Variants in TBC1D32 observed in about 807,000 individuals in gnomAD.
TBC1D32 encodes the protein TBC1 domain family member 32.
A neutral mutation model predicts 170.3 loss-of-function variants in TBC1D32; 151 were observed. The observed-to-expected ratio is 0.89, with a 90% CI of 0.78 to 1.01. The LOEUF (loss-of-function observed/expected upper bound fraction) is 1.01, where lower values mean the gene tolerates loss of function less well. Among genes scored for constraint, TBC1D32 ranks in the 50% least tolerant of loss-of-function variants. The probability of loss-of-function intolerance (pLI) is 0.00; values close to 1 mark genes in which losing one functional copy is unlikely to be tolerated. For synonymous variants in TBC1D32, 498 were observed against 488.0 expected (o/e 1.02, Z -0.27); for missense variants, 1,464 against 1,457.1 (o/e 1.00, Z -0.08).
At chr6:121,323,751 C>T (rs1039503797) in intron 1 of TBC1D32, among the ~76,000 whole-genome samples, 2 of 152,112 alleles carry the variant, frequency 1.3e-5, no homozygotes, top group Admixed American at 1.3e-4. Flanking sequence ...ACCATCCTGG[C>T]CAGTATGGTG....
At chr6:121,273,540 G>A (rs1295025465) in intron 15 of TBC1D32, among the ~76,000 whole-genome samples, 1 of 151,084 alleles carries the variant, frequency 6.6e-6, no homozygotes, top group East Asian at 2.0e-4. Context: ...TAATGTAAAT[G>A]ACGAGTTAAT....
chr6:121,190,717 A>G (rs1279761260), intron 22 of TBC1D32, among the ~76,000 whole-genome samples: 1 of 152,100 alleles, frequency 6.6e-6, no homozygotes, highest in Non-Finnish European at 1.5e-5. Flanking sequence ...CTTAATTACT[A>G]TAAACTTTTT....
At chr6:121,311,806 G>A (rs1808252687) in intron 3 of TBC1D32, among the ~76,000 whole-genome samples, 1 of 152,066 alleles carries the variant, frequency 6.6e-6, no homozygotes, top group Non-Finnish European at 1.5e-5. Context: ...CAGTTTTGGT[G>A]GGAGTGTAAA....
At chr6:121,112,055 A>G (rs1353006419) in intron 29 of TBC1D32, among the ~76,000 whole-genome samples, 2 of 152,150 alleles carry the variant, frequency 1.3e-5, no homozygotes, top group Non-Finnish European at 2.9e-5. Flanking sequence ...ACATTACGAT[A>G]CTTTAATAAA....
intron 21 of TBC1D32, 137 bp downstream of exon 21, chr6:121,223,099 T>G: frequency 1.7e-6 from 1 of 576,452 alleles, no homozygotes; most frequent in East Asian, 3.3e-5. Flanking sequence ...ATATAATTCA[T>G]GCATGATTAA....
At chr6:121,201,741 ATCTT>A (rs1245641099) in intron 22 of TBC1D32, among the ~76,000 whole-genome samples, 1 of 151,172 alleles carries the variant, frequency 6.6e-6, no homozygotes, top group Non-Finnish European at 1.5e-5. Flanking sequence ...ATATCTGCAT[ATCTT>A]TCTGTCTGTA....
chr6:121,161,059 G>GAAAAAATA lies in TBC1D32; in HGVS notation c.2571-11_2571-4dup. On this transcript the variant is annotated splice_region_variant and splice_polypyrimidine_tract_variant and intron_variant, in intron 22 of 31. Coordinates refer to ENST00000398212, the MANE Select transcript of TBC1D32 (RefSeq NM_152730.6). ...ATAAGCCATCAATTATAAAGTCCCT[G>GAAAAAATA]AAAAAATAAATATATCACCTTTGTC... The GAAAAAATA allele has an allele frequency of 6.3e-7, 1 of 1,596,126 alleles. No homozygotes were observed. Among genetic ancestry groups the GAAAAAATA allele is most frequent in the Non-Finnish European group, 8.6e-7 (1 of 1,167,568 alleles).
chr6:121,100,618 C>G (rs1049754469), intron 30 of TBC1D32, among the ~76,000 whole-genome samples: 3 of 151,876 alleles, frequency 2.0e-5, no homozygotes, highest in African/African-American at 7.3e-5. Flanking sequence ...GCACTAAATG[C>G]CCACAAGAAA....
intron 15 of TBC1D32, among the ~76,000 whole-genome samples, chr6:121,272,666 G>A (rs9372652): frequency 0.64 from 97,561 of 151,948 alleles, 36,788 homozygotes; most frequent in Non-Finnish European, 0.84. Flanking sequence ...TGGTGGGACT[G>A]TAAACTAGTT....
upstream of TBC1D32, chr6:121,334,654 G>A: frequency 1.7e-6 from 1 of 582,836 alleles, no homozygotes; most frequent in Admixed American, 3.1e-5. Flanking sequence ...CTCGCCTCTG[G>A]TACTCTTAGT....
rs185178301 is a variant in TBC1D32, at chr6:121,194,092, A to G, written c.2570+10983T>C. On this transcript the variant is annotated intron_variant, in intron 22 of 31. Transcript: ENST00000398212. ...CTCTGAGCTGACATTGATTCCAGGG[A>G]AAAAAAAACATCACTGTGGTACTCC... Among the ~76,000 whole-genome samples the G allele has an allele frequency of 7.2e-3, 759 of 105,548 alleles. 3 individuals are homozygous for G. The highest frequency in any genetic ancestry group is 0.02 in the African/African-American group (729 of 36,510). 69.2% of individuals were successfully genotyped at this position (105,548 alleles called of 152,430 possible).
At chr6:121,232,784 T>C (rs1373877996) in intron 20 of TBC1D32, among the ~76,000 whole-genome samples, 1 of 152,140 alleles carries the variant, frequency 6.6e-6, no homozygotes, top group Non-Finnish European at 1.5e-5. Flanking sequence ...TATTCTTGTT[T>C]CTCTAGTTCC....
rs1807072179 is a variant in TBC1D32, at chr6:121,304,808, T to C, written c.716A>G (p.Gln239Arg). The change falls in exon 6 of 32, where the codon CAG becomes CGG. Residue 239 changes from glutamine to arginine, a missense_variant. Physicochemically the swap from Gln to Arg is conservative, Grantham distance 43. Transcript: ENST00000398212. ...FSDRILKFCA[Q>R]TFLLSPLHMT... ...ATGTAATGGAGAAAGCAAAAATGTC[T>C]GTGCACAGAATTTTAAAATCCGGTC... 1.9e-6 allele frequency: 3 copies of C among 1,610,186 alleles called. No homozygotes were observed. The highest frequency in any genetic ancestry group is 2.2e-5 in the South Asian group (2 of 90,092).
intron 30 of TBC1D32, among the ~76,000 whole-genome samples, chr6:121,099,665 T>C (rs1040854293): frequency 2.6e-5 from 4 of 151,892 alleles, no homozygotes; most frequent in Admixed American, 2.0e-4. Flanking sequence ...ACTTAAAAGC[T>C]GTTTTCATAT....
chr6:121,277,519 G>T (rs1487226247), intron 15 of TBC1D32, among the ~76,000 whole-genome samples: 1 of 144,398 alleles, frequency 6.9e-6, no homozygotes, highest in Non-Finnish European at 1.5e-5. Context: ...AACCACAAGG[G>T]TCAAAGAAAT....
At chr6:121,082,471 A>G (rs1379570520) in intron 31 of TBC1D32, among the ~76,000 whole-genome samples, 1 of 152,008 alleles carries the variant, frequency 6.6e-6, no homozygotes, top group African/African-American at 2.4e-5. Context: ...CTCTTCACTA[A>G]AACTATACCT....
rs1554271835 is a variant in TBC1D32, at chr6:121,213,466, TAATAAAATAA to T, written c.2482-8313_2482-8304del. On this transcript the variant is annotated intron_variant, in intron 21 of 31. Transcript: ENST00000398212. Reference sequence around the variant, plus strand: ...CTATTCACAACTGCCACAAAAATAATAATAAAATAAAATAAAATAAAATAAAATAAAATAA... The same window carrying T: ...CTATTCACAACTGCCACAAAAATAATAATAAAATAAAATAAAATAAAATAA... Among the ~76,000 whole-genome samples the T allele has an allele frequency of 4.5e-3, 112 of 24,762 alleles. 1 individual carries two copies. Among genetic ancestry groups the T allele is most frequent in the African/African-American group, 0.011 (110 of 10,394 alleles). The allele number at this position is 24,762 out of a possible 152,430, so 16.2% of individuals were successfully genotyped here. A position where few individuals can be genotyped will look rare whatever the true frequency, so the allele number is the denominator to read the frequency against.
chr6:121,274,513 A>G (rs1040207185), intron 15 of TBC1D32, among the ~76,000 whole-genome samples: 21 of 137,916 alleles, frequency 1.5e-4, no homozygotes, highest in African/African-American at 4.0e-4. Flanking sequence ...AGAATTTCAG[A>G]AAAAAAAAAA....
intron 22 of TBC1D32, among the ~76,000 whole-genome samples, chr6:121,189,855 AC>A (rs997371490): frequency 2.0e-5 from 3 of 151,886 alleles, no homozygotes; most frequent in African/African-American, 7.3e-5. Context: ...CAGAACATAT[AC>A]CCTAAGTAAG....
Sources: allele counts gnomAD v4.1 joint callset (sites outside exome capture counted in the v4.1 genomes callset), GRCh38; gene constraint gnomAD v4.1.1; transcripts MANE v1.5; gene names NCBI Gene and HGNC (gene_info 2026-07-23, HGNC 2026-07-21).